CYTH3: variants seen among roughly 807,000 people sequenced by gnomAD.
The protein encoded by CYTH3 is cytohesin 3, also known as cytohesin-3.
CYTH3 carries 23 observed loss-of-function variants against 55.1 expected under a neutral mutation model. The ratio of observed to expected loss-of-function variants is 0.42; its 90% CI spans 0.30 to 0.59. The LOEUF is 0.59. Ranked by LOEUF, CYTH3 falls within the 20% of genes least tolerant of loss-of-function variation. The pLI is 0.20. For synonymous variants in CYTH3, 249 were observed against 194.9 expected (o/e 1.28, Z -2.31); for missense variants, 413 against 524.8 (o/e 0.79, Z 2.08).
rs1487223606 is a variant in CYTH3, at chr7:6,272,458, C to T, written c.34+16G>A. 1 of 1,357,786 alleles carries T rather than the reference C, an allele frequency of 7.4e-7. No homozygotes were observed. Among genetic ancestry groups the T allele is most frequent in the Non-Finnish European group, 9.6e-7 (1 of 1,045,584 alleles). 84.1% of individuals were successfully genotyped at this position (1,357,786 alleles called of 1,614,324 possible). On this transcript the variant is annotated intron_variant, in intron 1 of 12. Coordinates refer to ENST00000350796, the MANE Select transcript of CYTH3 (RefSeq NM_004227.4). ...CCCCAGGCCGCCGGCGAGCCCACCA[C>T]ACCTCCGACACTCACCGCCACCACC...
At position 6,169,462 on chromosome 7, in the gene CYTH3, C is replaced by G. The variant is rs1038069346; in HGVS notation, c.823+1073G>C. ...CCTGGCCTAAGCAATCCTCCCACCT[C>G]AGCCTCCCAAAGCACTAGGATTACA... On this transcript the variant is annotated intron_variant, in intron 9 of 12. Transcript: ENST00000350796. The surrounding 1 kb of genome is among the most constrained non-coding windows in gnomAD (Gnocchi z 4.1). 6.6e-6 allele frequency among the ~76,000 whole-genome samples: 1 copy of G among 152,178 alleles called. No individual in the cohort carries two copies. The highest frequency in any genetic ancestry group is 1.9e-4 in the East Asian group (1 of 5,188).
At chr7:6,234,611 C>A (rs1779470597) in intron 1 of CYTH3, among the ~76,000 whole-genome samples, 1 of 152,214 alleles carries the variant, frequency 6.6e-6, no homozygotes, top group Non-Finnish European at 1.5e-5. Context: ...ACACCTGTGA[C>A]TGGAAGCCCC....
At chr7:6,267,977 T>C (rs575813890) in intron 1 of CYTH3, among the ~76,000 whole-genome samples, 51 of 152,298 alleles carry the variant, frequency 3.3e-4, no homozygotes, top group African/African-American at 1.2e-3. Context: ...AAAAGGCGCA[T>C]AGTGAAAAGT....
At chr7:6,247,296 C>T (rs375611299) in intron 1 of CYTH3, among the ~76,000 whole-genome samples, 9 of 152,194 alleles carry the variant, frequency 5.9e-5, no homozygotes, top group African/African-American at 1.4e-4. Flanking sequence ...ATCCCGATTT[C>T]GTTGTAAGTA....
At chr7:6,260,075 C>T (rs1371555423) in intron 1 of CYTH3, among the ~76,000 whole-genome samples, 1 of 150,716 alleles carries the variant, frequency 6.6e-6, no homozygotes, top group African/African-American at 2.4e-5. Context: ...GTGATCCACC[C>T]TCCTCGGCCT....
chr7:6,260,094 G>A (rs1780312951), intron 1 of CYTH3, among the ~76,000 whole-genome samples: 1 of 151,084 alleles, frequency 6.6e-6, no homozygotes, highest in South Asian at 2.1e-4. Flanking sequence ...CTCCCAAAGT[G>A]CTGGGATTAC....
rs774889688 is a variant in CYTH3, at chr7:6,187,092, CTGTT to C, written c.203_206del (p.Lys68ArgfsTer2). On this transcript the variant is annotated frameshift_variant, in exon 4 of 13. Transcript: ENST00000350796. LOFTEE classifies it high-confidence loss of function. ...TGAATTTCTTTCTTCCCATGGCTAT[CTGTT>C]TGTTCCTCTGAGTCGTTTTGCTATT... is the stretch of plus-strand genomic sequence containing the variant. 1 of 1,614,066 alleles carries C rather than the reference CTGTT, an allele frequency of 6.2e-7. No homozygotes were observed. Among genetic ancestry groups the C allele is most frequent in the Non-Finnish European group, 8.5e-7 (1 of 1,180,014 alleles).
intron 1 of CYTH3, among the ~76,000 whole-genome samples, chr7:6,248,535 A>G (rs1285350191): frequency 6.6e-6 from 1 of 152,132 alleles, no homozygotes; most frequent in East Asian, 1.9e-4. Flanking sequence ...ATGCACCAGG[A>G]AGGAGGACTG....
At chr7:6,165,897 C>T in intron 9 of CYTH3, 87 bp from the exon 10 acceptor site, 2 of 1,366,356 alleles carry the variant, frequency 1.5e-6, no homozygotes, top group South Asian at 1.2e-5. Context: ...GCACAGACCA[C>T]TGCGTTTTCA....
rs1340171609 is a variant in CYTH3, at chr7:6,165,806, C to T, written c.828G>A (p.Gly276=). The T allele has an allele frequency of 1.8e-5, 29 of 1,613,928 alleles. No homozygotes were observed. In the South Asian group the frequency reaches 2.3e-4, roughly 13 times the overall value. ...ACCGGCGCTTCCAGGTCTTCACACG[C>T]CCTCCTAGAAGCAGAAGGGCCCCGT... is the stretch of plus-strand genomic sequence containing the variant. ...DREGWLLKLG[G]RVKTWKRRWF... Residue 276 remains glycine, a synonymous_variant, in exon 10 of 13, where the codon GGG becomes GGA. Coordinates refer to ENST00000350796, the MANE Select transcript of CYTH3 (RefSeq NM_004227.4).
At chr7:6,174,539 GTTTTTTTTTTTT>G (rs760279977) in intron 5 of CYTH3, among the ~76,000 whole-genome samples, 14 of 89,794 alleles carry the variant, frequency 1.6e-4, no homozygotes, top group East Asian at 9.0e-4. Flanking sequence ...CTCCTTGTGG[GTTTTTTTTTTTT>G]TTTTTTTTTT....
chr7:6,263,475 C>A (rs2115064577), intron 1 of CYTH3, among the ~76,000 whole-genome samples: 1 of 152,306 alleles, frequency 6.6e-6, no homozygotes, highest in Non-Finnish European at 1.5e-5. Flanking sequence ...CCGTTTGTAA[C>A]ACCACCAGTG....
chr7:6,194,052 A>T lies in CYTH3; in HGVS notation c.35-3521T>A, dbSNP rs1298765089. ...TACACCCACATCACCCTACAGAGAA[A>T]CAGTCAACACGGCCTTCTGCTGCAC... On this transcript the variant is annotated intron_variant, in intron 1 of 12. Transcript: ENST00000350796. 2.0e-5 allele frequency among the ~76,000 whole-genome samples: 3 copies of T among 152,176 alleles called. No individual in the cohort carries two copies. In the East Asian group the frequency reaches 5.8e-4, roughly 29 times the overall value.
At chr7:6,257,463 C>T (rs751355606) in intron 1 of CYTH3, among the ~76,000 whole-genome samples, 2 of 152,172 alleles carry the variant, frequency 1.3e-5, no homozygotes, top group Non-Finnish European at 2.9e-5. Flanking sequence ...TTGCCAATGC[C>T]ACCTTTGATT....
intron 6 of CYTH3, chr7:6,172,823 C>G (rs998493688): frequency 7.8e-7 from 1 of 1,283,128 alleles, no homozygotes; most frequent in African/African-American, 1.5e-5. Flanking sequence ...GTTGCGAACT[C>G]TCAGCGCACT....
intron 1 of CYTH3, among the ~76,000 whole-genome samples, chr7:6,266,998 G>A (rs1198221226): frequency 6.6e-6 from 1 of 152,184 alleles, no homozygotes; most frequent in Non-Finnish European, 1.5e-5. Context: ...GGATCATGGA[G>A]GCAGATCCCT....
chr7:6,232,904 C>T (rs1779424525), intron 1 of CYTH3, among the ~76,000 whole-genome samples: 1 of 152,128 alleles, frequency 6.6e-6, no homozygotes, highest in Admixed American at 6.5e-5. Flanking sequence ...GTGCCAGCCT[C>T]TTAGCCATGG....
intron 4 of CYTH3, 61 bp downstream of exon 4, chr7:6,186,989 C>T (rs913280450): frequency 6.2e-5 from 96 of 1,537,040 alleles, no homozygotes; most frequent in East Asian, 2.0e-4. Flanking sequence ...AAAAGGGAAA[C>T]GGCAGTTCAA....
intron 1 of CYTH3, among the ~76,000 whole-genome samples, chr7:6,268,590 GTC>G (rs1301207936): frequency 6.6e-6 from 1 of 152,176 alleles, no homozygotes; most frequent in East Asian, 1.9e-4. Context: ...TATCTGATAA[GTC>G]TCTTGCTTGC....
Sources: allele counts gnomAD v4.1 joint callset (sites outside exome capture counted in the v4.1 genomes callset), GRCh38; gene constraint gnomAD v4.1.1; non-coding constraint Gnocchi (gnomAD v3.1); transcripts MANE v1.5; gene names NCBI Gene and HGNC (gene_info 2026-07-23, HGNC 2026-07-21).